Variants in DPP3 observed in about 807,000 individuals in gnomAD.
The protein encoded by DPP3 is dipeptidyl peptidase 3.
Under a neutral mutation model 89.8 loss-of-function variants are expected in DPP3, and 64 were observed. The ratio of observed to expected loss-of-function variants is 0.71; its 90% CI spans 0.58 to 0.88. The LOEUF (loss-of-function observed/expected upper bound fraction) is 0.88. Among genes scored for constraint, DPP3 ranks in the 40% least tolerant of loss-of-function variants. DPP3 has a pLI of 0.00. For synonymous variants in DPP3, 377 were observed against 404.3 expected (o/e 0.93, Z 0.81); for missense variants, 835 against 972.5 (o/e 0.86, Z 1.88).
intron 6 of DPP3, 96 bp from the exon 7 acceptor site, chr11:66,491,157 G>A (rs929010746): frequency 1.7e-5 from 27 of 1,565,156 alleles, no homozygotes; most frequent in Non-Finnish European, 2.3e-5. Context: ...AGAGTGCTAT[G>A]GGGAAAAGCC....
rs1855572284 is a variant in DPP3, at chr11:66,497,597, C to T, written c.1878+120C>T. ...TTATGCTGCAGTGAGGAAAGGTAGCCAGTAAACATGTAAGCGCACCGGGTG... is the reference window on the plus strand; with the variant it reads ...TTATGCTGCAGTGAGGAAAGGTAGCTAGTAAACATGTAAGCGCACCGGGTG... On this transcript the variant is annotated intron_variant, in intron 16 of 17. Coordinates refer to ENST00000531863, the MANE Select transcript of DPP3 (RefSeq NM_130443.4). 68 of 1,367,388 alleles carry T rather than the reference C, an allele frequency of 5.0e-5. No homozygotes were observed. In the South Asian group the frequency reaches 1.0e-3, roughly 20 times the overall value. The allele number at this position is 1,367,388 out of a possible 1,614,324, so 84.7% of individuals were successfully genotyped here. A position where few individuals can be genotyped will look rare whatever the true frequency, so the allele number is the denominator to read the frequency against.
In DPP3 at chr11:66,491,687, C is replaced by T; in HGVS notation, c.930-11C>T. 6.2e-7 allele frequency: 1 copy of T among 1,611,424 alleles called. No individual in the cohort carries two copies. The highest frequency in any genetic ancestry group is 8.5e-7 in the Non-Finnish European group (1 of 1,178,888). On this transcript the variant is annotated splice_polypyrimidine_tract_variant and intron_variant, in intron 8 of 17. Coordinates refer to ENST00000531863, the MANE Select transcript of DPP3 (RefSeq NM_130443.4). Reference sequence around the variant, plus strand: ...CTGCCCCTCCTCCACCTCTGCCCTTCTCTCCCCCAGTTACATCGGGTTCAT... The same window carrying T: ...CTGCCCCTCCTCCACCTCTGCCCTTTTCTCCCCCAGTTACATCGGGTTCAT...
At chr11:66,483,509 G>A (rs1340541707) in intron 2 of DPP3, among the ~76,000 whole-genome samples, 1 of 152,100 alleles carries the variant, frequency 6.6e-6, no homozygotes. Flanking sequence ...ACATTTAAAT[G>A]TACCTCATTC....
chr11:66,508,943 C>G, intron 17 of DPP3, 136 bp from the exon 18 acceptor site: 1 of 1,102,982 alleles, frequency 9.1e-7, no homozygotes, highest in South Asian at 1.5e-5. Flanking sequence ...TAACCTAAAA[C>G]GTAGAGCACA....
At position 66,497,492 on chromosome 11, in the gene DPP3, C is replaced by T. The variant is rs1323355927; in HGVS notation, c.1878+15C>T. Reference sequence around the variant, plus strand: ...GGAGACTTCAGGTAAGCAAAGGCCTCTCGTCTGGATGGGTCCCCACCAACC... The same window carrying T: ...GGAGACTTCAGGTAAGCAAAGGCCTTTCGTCTGGATGGGTCCCCACCAACC... On this transcript the variant is annotated intron_variant, in intron 16 of 17. Coordinates refer to ENST00000531863, the MANE Select transcript of DPP3 (RefSeq NM_130443.4). 6.2e-7 allele frequency: 1 copy of T among 1,609,276 alleles called. No individual in the cohort carries two copies. Among genetic ancestry groups the T allele is most frequent in the Non-Finnish European group, 8.5e-7 (1 of 1,177,414 alleles).
chr11:66,487,291 G>T lies in DPP3; in HGVS notation c.522G>T (p.Gly174=), dbSNP rs752810487. 1 of 1,614,018 alleles carries T rather than the reference G, an allele frequency of 6.2e-7. No homozygotes were observed. Among genetic ancestry groups the T allele is most frequent in the Non-Finnish European group, 8.5e-7 (1 of 1,179,948 alleles). Residue 174 remains glycine (G), a synonymous_variant, in exon 5 of 18, where the codon GGG becomes GGT. Coordinates refer to ENST00000531863, the MANE Select transcript of DPP3 (RefSeq NM_130443.4). ...AGGGAATCACCACCTATTTCTCTGGGAATTGTACCATGGAAGATGCCAAAT... is the reference window on the plus strand; with the variant it reads ...AGGGAATCACCACCTATTTCTCTGGTAATTGTACCATGGAAGATGCCAAAT... ...GKEGITTYFS[G]NCTMEDAKLA...
At chr11:66,490,323 A>G (rs762799995) in intron 6 of DPP3, among the ~76,000 whole-genome samples, 1 of 152,224 alleles carries the variant, frequency 6.6e-6, no homozygotes, top group African/African-American at 2.4e-5. Context: ...CCACAAATTT[A>G]CTGGCACAAA....
rs1169248661 is a variant in DPP3, at chr11:66,502,312, CTT to C, written c.1879-2287_1879-2286del. Among the ~76,000 whole-genome samples, 40 of 143,548 alleles carry C rather than the reference CTT, an allele frequency of 2.8e-4. 1 individual carries two copies. The highest frequency in any genetic ancestry group is 2.0e-4 in the East Asian group (1 of 4,930). The allele number at this position is 143,548 out of a possible 152,430, so 94.2% of individuals were successfully genotyped here. The stretch of plus-strand genomic sequence containing the variant: ...AGGTGGGGGTTGTATGAGTGTCCGT[CTT>C]TTTTTTTTTTTTGATGGGAGTCTCG... On this transcript the variant is annotated intron_variant, in intron 16 of 17. Coordinates refer to ENST00000531863, the MANE Select transcript of DPP3 (RefSeq NM_130443.4).
intron 17 of DPP3, among the ~76,000 whole-genome samples, chr11:66,505,809 TAAAA>T (rs775818602): frequency 4.5e-5 from 4 of 88,086 alleles, no homozygotes; most frequent in East Asian, 3.0e-4. Flanking sequence ...CTCAACTCTT[TAAAA>T]AAAAAAAAAA....
At chr11:66,487,396 C>T in intron 5 of DPP3, 54 bp downstream of exon 5, 2 of 1,572,298 alleles carry the variant, frequency 1.3e-6, no homozygotes, top group East Asian at 2.2e-5. Flanking sequence ...TTCCTAGTCC[C>T]AGCCCCCTCA....
Position 66,504,681 on chromosome 11 carries a change from G to A in DPP3, c.1948G>A (p.Ala650Thr). 1 of 1,613,328 alleles carries A rather than the reference G, an allele frequency of 6.2e-7. No homozygotes were observed. Residue 650 changes from alanine (A) to threonine (T), a missense_variant, in exon 17 of 18, where the codon GCG (alanine) becomes ACG (threonine). Transcript: ENST00000531863. ...CGAGGGGTATGCAACAGTCACTGAT[G>A]CGCCCCCCGAGTGCTTCCTCACCCT... ...LYEGYATVTD[A>T]PPECFLTLRD...
At position 66,491,333 on chromosome 11, in the gene DPP3, G is replaced by T. The variant is rs760832117; in HGVS notation, c.748G>T (p.Asp250Tyr). ...RGSPFQVTRGDYAPILQKVVE... is the reference protein window; with the variant it reads ...RGSPFQVTRGYYAPILQKVVE... ...AAGCCCTTTCCAGGTGACCCGGGGG[G>T]ACTACGCGCCCATCCTCCAGAAGGT... The change falls in exon 7 of 18, where the codon GAC becomes TAC. Residue 250 changes from aspartate (D) to tyrosine (Y), a missense_variant. By Grantham distance (160) the Asp-to-Tyr change is radical. Transcript: ENST00000531863. The T allele has an allele frequency of 1.9e-6, 3 of 1,613,884 alleles. No individual in the cohort carries two copies. Among genetic ancestry groups the T allele is most frequent in the Admixed American group, 3.3e-5 (2 of 59,972 alleles).
intron 12 of DPP3, among the ~76,000 whole-genome samples, chr11:66,493,907 T>C (rs2134734817): frequency 6.6e-6 from 1 of 152,226 alleles, no homozygotes; most frequent in African/African-American, 2.4e-5. Flanking sequence ...TAGAGGGCCC[T>C]TCGGGACAGT....
chr11:66,489,017 C>T (rs1036305880), intron 6 of DPP3, among the ~76,000 whole-genome samples: 1 of 152,218 alleles, frequency 6.6e-6, no homozygotes, highest in Non-Finnish European at 1.5e-5. Flanking sequence ...AGGTGCCCAT[C>T]ACCATACCTG....
At chr11:66,504,580 C>T in intron 16 of DPP3, 32 bp from the exon 17 acceptor site, 1 of 1,575,396 alleles carries the variant, frequency 6.3e-7, no homozygotes, top group Non-Finnish European at 8.6e-7. Flanking sequence ...GGTAACTGCC[C>T]ATCCTAGACA....
At chr11:66,500,518 A>G (rs1005818367) in intron 16 of DPP3, among the ~76,000 whole-genome samples, 14 of 152,340 alleles carry the variant, frequency 9.2e-5, no homozygotes, top group African/African-American at 2.9e-4. Flanking sequence ...CCTAAACTGC[A>G]TAAGTTACAA....
At chr11:66,503,256 C>T (rs890401469) in intron 16 of DPP3, among the ~76,000 whole-genome samples, 5 of 152,156 alleles carry the variant, frequency 3.3e-5, no homozygotes, top group South Asian at 2.1e-4. Flanking sequence ...TATGAGCCAC[C>T]GTGCCCAGCC....
chr11:66,497,571 C>A, intron 16 of DPP3, 94 bp downstream of exon 16: 1 of 1,471,444 alleles, frequency 6.8e-7, no homozygotes, highest in Non-Finnish European at 9.0e-7. Flanking sequence ...TGAGCAGTTT[C>A]TTATGCTGCA....
chr11:66,485,659 G>A (rs1031704495), intron 3 of DPP3, among the ~76,000 whole-genome samples: 1 of 152,190 alleles, frequency 6.6e-6, no homozygotes, highest in Non-Finnish European at 1.5e-5. Context: ...GCAGGTATAA[G>A]AGCCGGGACT....
Sources: allele counts gnomAD v4.1 joint callset (sites outside exome capture counted in the v4.1 genomes callset), GRCh38; gene constraint gnomAD v4.1.1; transcripts MANE v1.5; gene names NCBI Gene and HGNC (gene_info 2026-07-23, HGNC 2026-07-21).